Variants in MARCHF10 observed in about 807,000 individuals in gnomAD.
MARCHF10 encodes membrane associated ring-CH-type finger 10.
A neutral mutation model predicts 76.2 loss-of-function variants in MARCHF10; 64 were observed. The ratio of observed to expected loss-of-function variants is 0.84; its 90% CI spans 0.69 to 1.03. MARCHF10 has a LOEUF of 1.03. MARCHF10 is among the 50% of genes least tolerant of loss of function. The pLI is 0.00. For missense variants in MARCHF10, 875 were observed against 958.0 expected (o/e 0.91, Z 1.14); for synonymous variants, 340 against 357.5 (o/e 0.95, Z 0.55).
rs557735616 is a variant in MARCHF10 at position 62,787,840 on chromosome 17, G to A, written c.210+640C>T. On this transcript the variant is annotated intron_variant, in intron 3 of 10. Coordinates refer to ENST00000311269, the MANE Select transcript of MARCHF10 (RefSeq NM_152598.4). ...TAAGCTAATATGTATAAAGTGCTTC[G>A]TATAGTGCCTGGAATGTTGCAAGCA... Among the ~76,000 whole-genome samples the A allele has an allele frequency of 5.4e-4, 82 of 152,146 alleles. 1 individual carries two copies. Among genetic ancestry groups the A allele is most frequent in the Non-Finnish European group, 7.4e-4 (50 of 68,006 alleles).
At chr17:62,740,897 G>C (rs977649782) in intron 5 of MARCHF10, among the ~76,000 whole-genome samples, 1 of 152,018 alleles carries the variant, frequency 6.6e-6, no homozygotes, top group African/African-American at 2.4e-5. Flanking sequence ...CAAAGTGCTG[G>C]GATTACAGGC....
At chr17:62,805,916 AAT>A (rs869168668) in intron 1 of MARCHF10, among the ~76,000 whole-genome samples, 298 of 130,746 alleles carry the variant, frequency 2.3e-3, no homozygotes, top group Admixed American at 4.4e-3. Context: ...AATAAAAAAA[AAT>A]AATAATAATA....
chr17:62,722,459 T>G, intron 8 of MARCHF10, 29 bp downstream of exon 8: 2 of 1,517,502 alleles, frequency 1.3e-6, no homozygotes, highest in Non-Finnish European at 1.8e-6. Flanking sequence ...TACTTTAACC[T>G]GTGGAGGCAG....
chr17:62,725,224 C>G, intron 6 of MARCHF10, 120 bp from the exon 7 acceptor site: 1 of 827,908 alleles, frequency 1.2e-6, no homozygotes, highest in Non-Finnish European at 1.8e-6. Flanking sequence ...CCGCTGCCCC[C>G]TCTGACCCTA....
chr17:62,798,994 G>A (rs1427410173), intron 2 of MARCHF10, among the ~76,000 whole-genome samples: 2 of 152,212 alleles, frequency 1.3e-5, no homozygotes, highest in Admixed American at 6.5e-5. Context: ...GTTCTCACCT[G>A]CCGGCCTTGG....
chr17:62,724,874 C>A, intron 7 of MARCHF10, 64 bp downstream of exon 7: 1 of 1,579,264 alleles, frequency 6.3e-7, no homozygotes, highest in Admixed American at 1.8e-5. Flanking sequence ...CCGGGGCCCA[C>A]ACCGTGGTGC....
chr17:62,799,182 A>T (rs117443200), intron 2 of MARCHF10, among the ~76,000 whole-genome samples: 2,675 of 151,940 alleles, frequency 0.018, 31 homozygotes, highest in East Asian at 0.051. Flanking sequence ...TCTTTCCCTC[A>T]CTCCGCCTCT....
intron 3 of MARCHF10, among the ~76,000 whole-genome samples, chr17:62,772,380 A>C (rs1018049917): frequency 6.6e-6 from 1 of 152,216 alleles, no homozygotes; most frequent in Non-Finnish European, 1.5e-5. Flanking sequence ...CTGTGAGTCC[A>C]TTAAACCTCT....
intron 3 of MARCHF10, among the ~76,000 whole-genome samples, chr17:62,769,294 G>A (rs2092397216): frequency 6.6e-6 from 1 of 152,196 alleles, no homozygotes; most frequent in Non-Finnish European, 1.5e-5. Flanking sequence ...CTTTGGCACT[G>A]ATTGAATAGC....
At chr17:62,796,271 C>A (rs1364069365) in intron 2 of MARCHF10, among the ~76,000 whole-genome samples, 1 of 152,134 alleles carries the variant, frequency 6.6e-6, no homozygotes, top group African/African-American at 2.4e-5. Flanking sequence ...GGATTACAGG[C>A]ATGAGCCACT....
At position 62,725,035 on chromosome 17, in the gene MARCHF10, T is replaced by TG; in HGVS notation, c.2006dup (p.Ser670LysfsTer43). ...CGCAAGGCTCCAGGAGGGGGTTGCTTGGGGAACCCCCGGCTATCTGACAGA... is the reference window on the plus strand; with the variant it reads ...CGCAAGGCTCCAGGAGGGGGTTGCTTGGGGGAACCCCCGGCTATCTGACAGA... On this transcript the variant is annotated frameshift_variant, in exon 7 of 11. Transcript: ENST00000311269. LOFTEE classifies it high-confidence loss of function. 1 of 1,609,834 alleles carries TG rather than the reference T, an allele frequency of 6.2e-7. No individual in the cohort carries two copies. Among genetic ancestry groups the TG allele is most frequent in the East Asian group, 2.2e-5 (1 of 44,590 alleles).
At position 62,759,944 on chromosome 17, in the gene MARCHF10, C is replaced by T. The variant is rs1249268193; in HGVS notation, c.273G>A (p.Lys91=). 5 of 1,614,088 alleles carry T rather than the reference C, an allele frequency of 3.1e-6. No individual in the cohort carries two copies. The African/African-American group carries it at 4.0e-5, about 13-fold the overall frequency. Reference sequence around the variant, plus strand: ...CAATTGCTGGAAGTTTGGAGTCACACTTAAATGCAGATATCTTGATAGATG... The same window carrying T: ...CAATTGCTGGAAGTTTGGAGTCACATTTAAATGCAGATATCTTGATAGATG... ...PRSSIKISAF[K]CDSKLPAIDQ... Residue 91 remains lysine (K), a synonymous_variant, in exon 4 of 11, where the codon AAG becomes AAA. Transcript: ENST00000311269.
rs1400795181 is a variant in MARCHF10 at position 62,759,905 on chromosome 17, G to C, written c.312C>G (p.Val104=). The C allele has an allele frequency of 1.9e-6, 3 of 1,614,000 alleles. No individual in the cohort carries two copies. The highest frequency in any genetic ancestry group is 2.2e-5 in the South Asian group (2 of 91,052). The change falls in exon 4 of 11, where the codon GTC becomes GTG. Residue 104 remains valine, a synonymous_variant. Coordinates refer to ENST00000311269, the MANE Select transcript of MARCHF10 (RefSeq NM_152598.4). ...SKLPAIDQTS[V]KQKHKSTMTV... is the part of the protein sequence containing the mutation. The stretch of plus-strand genomic sequence containing the variant: ...TCATGGTACTTTTATGTTTCTGCTT[G>C]ACTGATGTTTGGTCAATTGCTGGAA...
chr17:62,701,838 T>A, intron 10 of MARCHF10, 80 bp from the exon 11 acceptor site: 1 of 1,578,234 alleles, frequency 6.3e-7, no homozygotes, highest in Non-Finnish European at 8.7e-7. Context: ...CACTGCTGCT[T>A]CATCTTCTCC....
rs749440301 is a variant in MARCHF10 at position 62,759,994 on chromosome 17, C to G, written c.223G>C (p.Glu75Gln). The G allele has an allele frequency of 6.2e-7, 1 of 1,613,752 alleles. No individual in the cohort carries two copies. Among genetic ancestry groups the G allele is most frequent in the Non-Finnish European group, 8.5e-7 (1 of 1,179,910 alleles). The change falls in exon 4 of 11, where the codon GAG becomes CAG. Residue 75 changes from glutamate (E) to glutamine (Q), a missense_variant. Transcript: ENST00000311269. ...GACCTTGGTTCAGTTAGAGCATCCT[C>G]CTCACTAGAACTCTACCAAAAATGA... Reference protein sequence around the residue: ...RSSSKQSSSEEDALTEPRSSI... With the variant: ...RSSSKQSSSEQDALTEPRSSI...
rs892397796 is a variant in MARCHF10, at chr17:62,705,363, T to G, written c.2371+176A>C. On this transcript the variant is annotated intron_variant, in intron 10 of 10. Transcript: ENST00000311269. ...TTATCTGCTCTGCATCCAGTGAACT[T>G]GGCCTCGCCTTCCTGATTGTTTGCT... 1.1e-5 allele frequency: 17 copies of G among 1,519,304 alleles called. No individual in the cohort carries two copies. In the African/African-American group the frequency reaches 2.3e-4, roughly 20 times the overall value. The allele number at this position is 1,519,304 out of a possible 1,614,324, so 94.1% of individuals were successfully genotyped here. A position where few individuals can be genotyped will look rare whatever the true frequency, so the allele number is the denominator to read the frequency against.
intron 9 of MARCHF10, among the ~76,000 whole-genome samples, chr17:62,709,524 CTGGGTCTCT>C (rs1360191908): frequency 6.6e-6 from 1 of 152,038 alleles, no homozygotes; most frequent in Non-Finnish European, 1.5e-5. Flanking sequence ...GCATCCATCA[CTGGGTCTCT>C]TCATGAGACA....
At chr17:62,701,798 CA>C in intron 10 of MARCHF10, 40 bp from the exon 11 acceptor site, 1 of 1,613,236 alleles carries the variant, frequency 6.2e-7, no homozygotes, top group Non-Finnish European at 8.5e-7. Flanking sequence ...AGGGCCGCAG[CA>C]GACCGTGGGT....
At chr17:62,753,502 G>C (rs1053175602) in intron 4 of MARCHF10, among the ~76,000 whole-genome samples, 6 of 152,206 alleles carry the variant, frequency 3.9e-5, no homozygotes, top group South Asian at 2.1e-4. Flanking sequence ...ACTGGGGCCT[G>C]AGGTTCTGCA....
Sources: allele counts gnomAD v4.1 joint callset (sites outside exome capture counted in the v4.1 genomes callset), GRCh38; gene constraint gnomAD v4.1.1; transcripts MANE v1.5; gene names NCBI Gene and HGNC (gene_info 2026-07-23, HGNC 2026-07-21).